PALD1: variants seen among roughly 807,000 people sequenced by gnomAD.
PALD1 encodes the protein paladin.
Under a neutral mutation model 96.0 loss-of-function variants are expected in PALD1, and 57 were observed. The observed-to-expected ratio is 0.59, with a 90% CI of 0.48 to 0.74. PALD1 has a LOEUF of 0.74. PALD1 is among the 30% of genes least tolerant of loss of function. The pLI is 0.00. For synonymous variants in PALD1, 464 were observed against 473.6 expected (o/e 0.98, Z 0.26); for missense variants, 1,063 against 1,143.7 (o/e 0.93, Z 1.02).
chr10:70,484,613 C>G (rs959223684), intron 1 of PALD1, among the ~76,000 whole-genome samples: 1 of 151,640 alleles, frequency 6.6e-6, no homozygotes, highest in Non-Finnish European at 1.5e-5. Context: ...GATCTCAGCT[C>G]ACTCAAGCTC....
At chr10:70,483,230 C>T (rs1296919804) in intron 1 of PALD1, among the ~76,000 whole-genome samples, 1 of 152,048 alleles carries the variant, frequency 6.6e-6, no homozygotes, top group Non-Finnish European at 1.5e-5. Flanking sequence ...AAGGCTTCCC[C>T]AGCAGAAAGA....
At chr10:70,494,714 A>T (rs561449860) in intron 1 of PALD1, among the ~76,000 whole-genome samples, 2 of 152,304 alleles carry the variant, frequency 1.3e-5, no homozygotes, top group East Asian at 3.9e-4. Context: ...TGAGGCACTG[A>T]GTTTGGCAAG....
At position 70,540,899 on chromosome 10, in the gene PALD1, T is replaced by C. The variant is rs1261542934; in HGVS notation, c.1909-203T>C. 6.6e-6 allele frequency among the ~76,000 whole-genome samples: 1 copy of C among 152,080 alleles called. No individual in the cohort carries two copies. Among genetic ancestry groups the C allele is most frequent in the Non-Finnish European group, 1.5e-5 (1 of 68,004 alleles). ...CCTGTCCAGGTGCTTGGTGTGAGGG[T>C]GATTACGACTGCACAGGTGCAGCTG... On this transcript the variant is annotated intron_variant, in intron 15 of 19. Transcript: ENST00000263563. This position sits in a 1 kb window ranked among gnomAD's most constrained non-coding sequence, Gnocchi z 4.2.
At chr10:70,461,575 A>T in the PALD1 span, among the ~76,000 whole-genome samples, 7 of 152,156 alleles carry the variant, frequency 4.6e-5, no homozygotes, top group African/African-American at 1.7e-4. Flanking sequence ...TGTCCAGCAG[A>T]TGGCCTCCCA....
chr10:70,491,763 C>G (rs1846102569), intron 1 of PALD1, among the ~76,000 whole-genome samples: 1 of 152,204 alleles, frequency 6.6e-6, no homozygotes, highest in Non-Finnish European at 1.5e-5. Flanking sequence ...TTTCCCCTCC[C>G]CCAGCCTTGG....
At chr10:70,564,966 G>T (rs571596906) in intron 19 of PALD1, among the ~76,000 whole-genome samples, 2 of 152,302 alleles carry the variant, frequency 1.3e-5, no homozygotes, top group East Asian at 3.9e-4. Flanking sequence ...TCTCCCTCCA[G>T]CCGTGACCTT....
At chr10:70,515,680 A>C (rs1026462686) in intron 1 of PALD1, among the ~76,000 whole-genome samples, 1 of 152,130 alleles carries the variant, frequency 6.6e-6, no homozygotes. Flanking sequence ...GTTGCTCTGC[A>C]CACATTCACT....
At chr10:70,506,516 A>G (rs1564689513) in intron 1 of PALD1, among the ~76,000 whole-genome samples, 1 of 152,208 alleles carries the variant, frequency 6.6e-6, no homozygotes, top group Non-Finnish European at 1.5e-5. Context: ...CTTGGAGTCC[A>G]GTACATGTTA....
chr10:70,538,502 C>A, intron 12 of PALD1, 94 bp downstream of exon 12: 2 of 1,310,508 alleles, frequency 1.5e-6, no homozygotes, highest in Non-Finnish European at 2.1e-6. Context: ...GTAAGCATTG[C>A]CCTTGCAGGA....
At chr10:70,475,061 G>T (rs1207370235), upstream of PALD1, among the ~76,000 whole-genome samples, 1 of 152,246 alleles carries the variant, frequency 6.6e-6, no homozygotes, top group East Asian at 1.9e-4. Flanking sequence ...AGTACTTGCT[G>T]AGTGCCAAGC....
At chr10:70,554,429 A>AAAACAGACAAAC (rs1554862320) in intron 18 of PALD1, among the ~76,000 whole-genome samples, 4 of 140,748 alleles carry the variant, frequency 2.8e-5, no homozygotes, top group Non-Finnish European at 4.7e-5. Flanking sequence ...ACTCCATCTC[A>AAAACAGACAAAC]AAACAAACAA....
chr10:70,544,573 G>A (rs1389836079), intron 17 of PALD1, among the ~76,000 whole-genome samples: 1 of 152,076 alleles, frequency 6.6e-6, no homozygotes, highest in Non-Finnish European at 1.5e-5. Context: ...AGGGCTCCTG[G>A]ATGTGGGGTG....
chr10:70,546,464 C>G (rs933247455), intron 17 of PALD1, among the ~76,000 whole-genome samples: 1 of 152,066 alleles, frequency 6.6e-6, no homozygotes, highest in African/African-American at 2.4e-5. Context: ...TTGTGGCTCT[C>G]CTGTGAGAAC....
intron 5 of PALD1, among the ~76,000 whole-genome samples, chr10:70,532,298 C>T (rs1847008636): frequency 6.6e-6 from 1 of 152,236 alleles, no homozygotes; most frequent in Admixed American, 6.5e-5. Context: ...CTCCCATCCC[C>T]TCCAGGCCTC....
chr10:70,543,060 CG>C (rs1489002961), intron 17 of PALD1, among the ~76,000 whole-genome samples: 3 of 126,796 alleles, frequency 2.4e-5, no homozygotes, highest in Non-Finnish European at 4.9e-5. Flanking sequence ...TGTGCCCAGC[CG>C]TTTTTTTTTT....
At position 70,538,853 on chromosome 10, in the gene PALD1, C is replaced by T. The variant is rs375131727; in HGVS notation, c.1453-39C>T. On this transcript the variant is annotated intron_variant, in intron 12 of 19. Transcript: ENST00000263563. The stretch of plus-strand genomic sequence containing the variant: ...TCCTGACCCTTTCTGCGGCTACAGT[C>T]GGCTGCTGTGGGTCCCAGGCTTGGT... 8.0e-5 allele frequency: 124 copies of T among 1,551,882 alleles called. 1 individual carries two copies. Among genetic ancestry groups the T allele is most frequent in the Non-Finnish European group, 1.0e-4 (114 of 1,124,464 alleles).
chr10:70,478,179 T>A (rs1845858914), upstream of PALD1, among the ~76,000 whole-genome samples: 1 of 152,046 alleles, frequency 6.6e-6, no homozygotes, highest in South Asian at 2.1e-4. Flanking sequence ...CGCGTTTCCT[T>A]AGGACCCCGG....
intron 1 of PALD1, among the ~76,000 whole-genome samples, chr10:70,514,104 G>A (rs1846573130): frequency 6.6e-6 from 1 of 152,248 alleles, no homozygotes; most frequent in South Asian, 2.1e-4. Flanking sequence ...TGGCCTCCAT[G>A]TGCCACAGTG....
intron 17 of PALD1, among the ~76,000 whole-genome samples, chr10:70,545,128 G>C (rs964583906): frequency 2.0e-5 from 3 of 151,874 alleles, no homozygotes; most frequent in Non-Finnish European, 4.4e-5. Flanking sequence ...AAGCAGATGA[G>C]CAGGTGGCTG....
Sources: allele counts gnomAD v4.1 joint callset (sites outside exome capture counted in the v4.1 genomes callset), GRCh38; gene constraint gnomAD v4.1.1; non-coding constraint Gnocchi (gnomAD v3.1); transcripts MANE v1.5; gene names NCBI Gene and HGNC (gene_info 2026-07-23, HGNC 2026-07-21).